The following PEPD variants were observed in gnomAD, a reference collection of about 807,000 sequenced individuals.
PEPD encodes xaa-Pro dipeptidase.
A neutral mutation model predicts 60.7 loss-of-function variants in PEPD; 53 were observed. The observed-to-expected ratio is 0.87, with a 90% CI of 0.70 to 1.10. The LOEUF (loss-of-function observed/expected upper bound fraction) is 1.10, where lower values mean the gene tolerates loss of function less well. PEPD is among the 50% of genes least tolerant of loss of function. The pLI is 0.00. For missense variants in PEPD, 711 were observed against 711.9 expected (o/e 1.00, Z 0.01); for synonymous variants, 267 against 284.1 (o/e 0.94, Z 0.60).
intron 6 of PEPD, among the ~76,000 whole-genome samples, chr19:33,483,642 T>C (rs950641495): frequency 3.9e-5 from 6 of 152,142 alleles, no homozygotes; most frequent in Non-Finnish European, 8.8e-5. Context: ...AGACTTTGTC[T>C]CTACAAAAAA....
intron 7 of PEPD, among the ~76,000 whole-genome samples, chr19:33,467,168 AAAAG>A (rs1452916450): frequency 1.2e-4 from 18 of 150,610 alleles, no homozygotes; most frequent in Admixed American, 6.6e-4. Context: ...AAAAAAAAAA[AAAAG>A]AAAGAAAGAA....
intron 9 of PEPD, among the ~76,000 whole-genome samples, chr19:33,426,265 G>A (rs1029917247): frequency 6.6e-6 from 1 of 152,164 alleles, no homozygotes; most frequent in Non-Finnish European, 1.5e-5. Flanking sequence ...TCTAGAAAAA[G>A]CAAGTGCTTT....
At chr19:33,392,364 G>A (rs755168069) in intron 12 of PEPD, among the ~76,000 whole-genome samples, 8 of 152,176 alleles carry the variant, frequency 5.3e-5, no homozygotes, top group Admixed American at 1.3e-4. Context: ...TCCCATCCCC[G>A]GACTCTGTGG....
intron 9 of PEPD, among the ~76,000 whole-genome samples, chr19:33,458,611 G>A (rs945036666): frequency 4.3e-5 from 6 of 138,396 alleles, no homozygotes; most frequent in African/African-American, 1.6e-4. Context: ...GGTGTGGGCG[G>A]TGTGTATGTG....
chr19:33,388,239 G>A, intron 13 of PEPD, 158 bp from the exon 14 acceptor site: 1 of 717,474 alleles, frequency 1.4e-6, no homozygotes, highest in Non-Finnish European at 2.5e-6. Flanking sequence ...CTGGGCCATG[G>A]GCACCCTGAT....
intron 9 of PEPD, among the ~76,000 whole-genome samples, chr19:33,437,818 C>A (rs1259681096): frequency 6.6e-6 from 1 of 152,156 alleles, no homozygotes; most frequent in Non-Finnish European, 1.5e-5. Context: ...CACGCCCCGA[C>A]CGTGCAGTTC....
intron 9 of PEPD, among the ~76,000 whole-genome samples, chr19:33,429,809 T>C (rs1033366183): frequency 1.7e-4 from 26 of 152,166 alleles, no homozygotes; most frequent in African/African-American, 2.7e-4. Context: ...AATGTCCCGA[T>C]TGCAAATGGG....
intron 10 of PEPD, among the ~76,000 whole-genome samples, chr19:33,413,299 A>G (rs1356193834): frequency 6.6e-6 from 1 of 152,222 alleles, no homozygotes; most frequent in African/African-American, 2.4e-5. Flanking sequence ...TGTGCTGACC[A>G]GCTGGGGACA....
At chr19:33,454,769 ACAG>A (rs1383966220) in intron 9 of PEPD, among the ~76,000 whole-genome samples, 1 of 152,194 alleles carries the variant, frequency 6.6e-6, no homozygotes, top group Non-Finnish European at 1.5e-5. Flanking sequence ...TTCCAAGAGT[ACAG>A]AAGAGTGGGT....
Position 33,472,153 on chromosome 19 carries a change from C to T in PEPD, c.548+5893G>A, listed in dbSNP as rs542343331. On this transcript the variant is annotated intron_variant, in intron 7 of 14. Coordinates refer to ENST00000244137, the MANE Select transcript of PEPD (RefSeq NM_000285.4). Reference sequence around the variant, plus strand: ...TCCAGCCTGGGCAACAAGAACAAAACTCCATCTCAAAAAAAAAAAAAAAAA... The same window carrying T: ...TCCAGCCTGGGCAACAAGAACAAAATTCCATCTCAAAAAAAAAAAAAAAAA... Among the ~76,000 whole-genome samples, 5 of 127,954 alleles carry T rather than the reference C, an allele frequency of 3.9e-5. No individual in the cohort carries two copies. In the East Asian group the frequency reaches 1.0e-3, roughly 26 times the overall value. 83.9% of individuals were successfully genotyped at this position (127,954 alleles called of 152,430 possible). A position where few individuals can be genotyped will look rare whatever the true frequency, so the allele number is the denominator to read the frequency against.
intron 1 of PEPD, among the ~76,000 whole-genome samples, chr19:33,520,900 GC>G (rs1971118766): frequency 6.6e-6 from 1 of 152,142 alleles, no homozygotes; most frequent in African/African-American, 2.4e-5. Flanking sequence ...AACCCTTCCA[GC>G]CCATCAGGGC....
rs8111972 is a variant in PEPD, at chr19:33,413,410, G to T, written c.740+165C>A. 0.065 allele frequency among the ~76,000 whole-genome samples: 9,846 copies of T among 152,256 alleles called. 1,089 individuals carry two copies. Among genetic ancestry groups the T allele is most frequent in the African/African-American group, 0.22 (9,311 of 41,514 alleles). ...CAGGCAGAGGCCACCTCAGCTCCGGGAGTCTTGGGAGGGAGGAGCGACTTC... is the reference window on the plus strand; with the variant it reads ...CAGGCAGAGGCCACCTCAGCTCCGGTAGTCTTGGGAGGGAGGAGCGACTTC... On this transcript the variant is annotated intron_variant, in intron 10 of 14. Transcript: ENST00000244137.
intron 9 of PEPD, among the ~76,000 whole-genome samples, chr19:33,435,597 G>A (rs916141031): frequency 3.9e-5 from 6 of 152,240 alleles, no homozygotes; most frequent in Non-Finnish European, 7.3e-5. Context: ...TGGGGTCCCT[G>A]GGCCCTGCAG....
At chr19:33,411,143 G>A (rs904445059) in intron 11 of PEPD, among the ~76,000 whole-genome samples, 2 of 152,178 alleles carry the variant, frequency 1.3e-5, no homozygotes, top group Admixed American at 6.5e-5. Context: ...ACGGCACATC[G>A]TGCTCAGGAA....
chr19:33,409,652 G>A (rs1600092352), intron 11 of PEPD, among the ~76,000 whole-genome samples: 1 of 152,322 alleles, frequency 6.6e-6, no homozygotes, highest in East Asian at 1.9e-4. Context: ...TCTAGCCTGG[G>A]AGACAGAGCA....
intron 9 of PEPD, among the ~76,000 whole-genome samples, chr19:33,437,434 T>C (rs1196425623): frequency 1.3e-5 from 2 of 151,476 alleles, no homozygotes; most frequent in Admixed American, 1.3e-4. Context: ...CAGATGGATT[T>C]TGTGTCGGCA....
chr19:33,459,508 G>C (rs181717442), intron 9 of PEPD, among the ~76,000 whole-genome samples: 2 of 152,290 alleles, frequency 1.3e-5, no homozygotes, highest in Admixed American at 1.3e-4. Flanking sequence ...CGGATGGCCT[G>C]ATTGGGCCTG....
In PEPD at chr19:33,514,367, C is replaced by T. The variant is rs58795484; in HGVS notation, c.18-1591G>A. On this transcript the variant is annotated intron_variant, in intron 1 of 14. Transcript: ENST00000244137. Reference sequence around the variant, plus strand: ...CACCTCACACTCACCTCACATGGGACCCTCAGAGGCCCTGACCCTCCTGCC... The same window carrying T: ...CACCTCACACTCACCTCACATGGGATCCTCAGAGGCCCTGACCCTCCTGCC... 2.3e-3 allele frequency among the ~76,000 whole-genome samples: 349 copies of T among 152,050 alleles called. 2 individuals are homozygous for T. Among genetic ancestry groups the T allele is most frequent in the African/African-American group, 8.2e-3 (340 of 41,470 alleles).
chr19:33,505,362 C>T (rs1970779807), intron 3 of PEPD, among the ~76,000 whole-genome samples: 5 of 152,118 alleles, frequency 3.3e-5, no homozygotes, highest in Admixed American at 3.3e-4. Flanking sequence ...ACGCAGGTGC[C>T]TATGCCCAAA....
Sources: allele counts gnomAD v4.1 joint callset (sites outside exome capture counted in the v4.1 genomes callset), GRCh38; gene constraint gnomAD v4.1.1; transcripts MANE v1.5; gene names NCBI Gene and HGNC (gene_info 2026-07-23, HGNC 2026-07-21).